Variants in CNTNAP2 observed in about 807,000 individuals in gnomAD.
CNTNAP2 encodes the protein contactin associated protein 2, also known as contactin-associated protein-like 2.
Under a neutral mutation model 155.2 loss-of-function variants are expected in CNTNAP2, and 98 were observed. The observed-to-expected ratio is 0.63, with a 90% CI of 0.54 to 0.75. The LOEUF is 0.75. Ranked by LOEUF, CNTNAP2 falls within the 30% of genes least tolerant of loss-of-function variation. CNTNAP2 has a pLI of 0.00. For synonymous variants in CNTNAP2, 651 were observed against 631.2 expected (o/e 1.03, Z -0.47); for missense variants, 1,727 against 1,688.1 (o/e 1.02, Z -0.40).
chr7:147,910,738 C>CCA (rs1161339758), intron 14 of CNTNAP2, among the ~76,000 whole-genome samples: 8 of 152,240 alleles, frequency 5.3e-5, no homozygotes, highest in African/African-American at 1.4e-4. Context: ...TCTCATGAGA[C>CCA]TTAGTCCCTA....
At chr7:147,966,867 G>A (rs1801223495) in intron 14 of CNTNAP2, among the ~76,000 whole-genome samples, 2 of 152,118 alleles carry the variant, frequency 1.3e-5, no homozygotes, top group Non-Finnish European at 2.9e-5. Context: ...TGTGAACTGT[G>A]CAGAAACAGA....
rs554462944 is a variant in CNTNAP2 at position 147,922,816 on chromosome 7, T to A, written c.2255+19095T>A. Among the ~76,000 whole-genome samples the A allele has an allele frequency of 4.6e-5, 7 of 152,314 alleles. No homozygotes were observed. In the East Asian group the frequency reaches 1.4e-3, roughly 29 times the overall value. On this transcript the variant is annotated intron_variant, in intron 14 of 23. Coordinates refer to ENST00000361727, the MANE Select transcript of CNTNAP2 (RefSeq NM_014141.6). ...AGGTATGAGAAGTGGTTTTGAATTGTTAGTAAAGAGAGGATGCAAAAATCA... is the reference window on the plus strand; with the variant it reads ...AGGTATGAGAAGTGGTTTTGAATTGATAGTAAAGAGAGGATGCAAAAATCA...
intron 11 of CNTNAP2, among the ~76,000 whole-genome samples, chr7:147,519,602 C>A (rs1799196673): frequency 6.6e-6 from 1 of 152,212 alleles, no homozygotes; most frequent in Admixed American, 6.5e-5. Context: ...GTGGCTCATG[C>A]CTGTAATGCC....
chr7:146,754,739 G>A (rs1801965528), intron 1 of CNTNAP2, among the ~76,000 whole-genome samples: 1 of 151,868 alleles, frequency 6.6e-6, no homozygotes, highest in Non-Finnish European at 1.5e-5. Context: ...TTAGGAAAGA[G>A]AGGCTATTTA....
At chr7:146,511,465 A>G (rs796380476) in intron 1 of CNTNAP2, among the ~76,000 whole-genome samples, 31 of 152,330 alleles carry the variant, frequency 2.0e-4, no homozygotes, top group African/African-American at 7.2e-4. Context: ...TGTTCCTTCT[A>G]TACCAAGATT....
intron 15 of CNTNAP2, among the ~76,000 whole-genome samples, chr7:148,117,498 C>T (rs934358146): frequency 6.6e-6 from 1 of 152,152 alleles, no homozygotes; most frequent in South Asian, 2.1e-4. Context: ...TCTGGGTGGC[C>T]GTTGACACAG....
At chr7:146,163,736 GAAAAA>G (rs978948791) in intron 1 of CNTNAP2, among the ~76,000 whole-genome samples, 5 of 147,728 alleles carry the variant, frequency 3.4e-5, no homozygotes, top group Admixed American at 1.4e-4. Context: ...TAAAAAAAAA[GAAAAA>G]AAAAGAAAAA....
At chr7:147,895,710 A>G (rs1799765276) in intron 13 of CNTNAP2, among the ~76,000 whole-genome samples, 3 of 152,362 alleles carry the variant, frequency 2.0e-5, no homozygotes, top group Admixed American at 6.5e-5. Context: ...GCCAATTAAC[A>G]GGTAAATAAT....
intron 1 of CNTNAP2, among the ~76,000 whole-genome samples, chr7:146,383,497 A>T (rs1795419480): frequency 6.6e-6 from 1 of 152,076 alleles, no homozygotes; most frequent in African/African-American, 2.4e-5. Flanking sequence ...TTTATTTCAT[A>T]AAAAATTCAG....
At chr7:146,712,376 T>A (rs1252364186) in intron 1 of CNTNAP2, among the ~76,000 whole-genome samples, 12 of 131,868 alleles carry the variant, frequency 9.1e-5, no homozygotes, top group East Asian at 2.0e-4. Context: ...TATACATATC[T>A]TATGTATACT....
At chr7:147,360,315 A>G (rs185156359) in intron 9 of CNTNAP2, among the ~76,000 whole-genome samples, 3 of 152,110 alleles carry the variant, frequency 2.0e-5, no homozygotes, top group Non-Finnish European at 4.4e-5. Context: ...AATTTTTATG[A>G]TATTTCAGTA....
At chr7:147,576,790 A>G (rs982893614) in intron 12 of CNTNAP2, among the ~76,000 whole-genome samples, 2 of 135,072 alleles carry the variant, frequency 1.5e-5, no homozygotes, top group African/African-American at 5.3e-5. Flanking sequence ...GCTATGATAA[A>G]TGCAACTTAT....
intron 1 of CNTNAP2, among the ~76,000 whole-genome samples, chr7:146,666,803 T>A (rs1800203528): frequency 6.6e-6 from 1 of 152,156 alleles, no homozygotes; most frequent in Admixed American, 6.6e-5. Flanking sequence ...TTGAGAAACA[T>A]CAGTTCAGAT....
intron 13 of CNTNAP2, among the ~76,000 whole-genome samples, chr7:147,902,529 C>T (rs1052569038): frequency 2.0e-5 from 3 of 152,002 alleles, no homozygotes; most frequent in African/African-American, 7.3e-5. Context: ...ACACTGAATC[C>T]AATTTGTCAT....
intron 3 of CNTNAP2, among the ~76,000 whole-genome samples, chr7:146,955,731 G>A (rs1797420439): frequency 1.3e-5 from 2 of 151,996 alleles, no homozygotes; most frequent in African/African-American, 4.8e-5. Flanking sequence ...AGAGATGTAT[G>A]AAAATTACAA....
At position 146,655,413 on chromosome 7, in the gene CNTNAP2, CAAAA is replaced by C. The variant is rs66710703; in HGVS notation, c.98-118840_98-118837del. Among the ~76,000 whole-genome samples, 68 of 74,280 alleles carry C rather than the reference CAAAA, an allele frequency of 9.2e-4. No homozygotes were observed. In the East Asian group the frequency reaches 0.028, roughly 31 times the overall value. 48.7% of individuals were successfully genotyped at this position (74,280 alleles called of 152,430 possible). A position where few individuals can be genotyped will look rare whatever the true frequency, so the allele number is the denominator to read the frequency against. On this transcript the variant is annotated intron_variant, in intron 1 of 23. Coordinates refer to ENST00000361727, the MANE Select transcript of CNTNAP2 (RefSeq NM_014141.6). Reference sequence around the variant, plus strand: ...TTGGAGACAGAGTGAGACTCTGTCTCAAAAAAAAAAAAAAAAAAAAAGAAAGAAA... The same window carrying C: ...TTGGAGACAGAGTGAGACTCTGTCTCAAAAAAAAAAAAAAAAAGAAAGAAA...
chr7:146,620,579 A>C (rs1799300741), intron 1 of CNTNAP2, among the ~76,000 whole-genome samples: 1 of 152,196 alleles, frequency 6.6e-6, no homozygotes, highest in Non-Finnish European at 1.5e-5. Context: ...AATACAGAGA[A>C]TGTTTTTTAG....
intron 15 of CNTNAP2, among the ~76,000 whole-genome samples, chr7:148,038,880 A>C (rs1203045371): frequency 6.6e-6 from 1 of 151,870 alleles, no homozygotes; most frequent in Non-Finnish European, 1.5e-5. Context: ...GGATAGATAG[A>C]TAAGGAATTT....
chr7:147,766,785 C>T (rs958474442), intron 13 of CNTNAP2, among the ~76,000 whole-genome samples: 7 of 151,990 alleles, frequency 4.6e-5, no homozygotes, highest in Middle Eastern at 3.4e-3. Context: ...AGATATTTTC[C>T]CCCAAAATAC....
Sources: allele counts gnomAD v4.1 joint callset (sites outside exome capture counted in the v4.1 genomes callset), GRCh38; gene constraint gnomAD v4.1.1; transcripts MANE v1.5; gene names NCBI Gene and HGNC (gene_info 2026-07-23, HGNC 2026-07-21).